ZNF808: variants seen among roughly 807,000 people sequenced by gnomAD.
The protein encoded by ZNF808 is zinc finger protein 808.
Under a neutral mutation model 8.7 loss-of-function variants are expected in ZNF808, and 5 were observed. That is an observed-to-expected ratio of 0.58 (90% CI 0.30 to 1.21). The LOEUF (loss-of-function observed/expected upper bound fraction) is 1.21, where lower values mean the gene tolerates loss of function less well. Among genes scored for constraint, ZNF808 ranks in the 50% most tolerant of loss-of-function variants. The pLI, the probability that ZNF808 is intolerant of heterozygous loss-of-function variation, is 0.07. For missense variants in ZNF808, 1,103 were observed against 1,098.4 expected (o/e 1.00, Z -0.06); for synonymous variants, 380 against 366.0 (o/e 1.04, Z -0.44).
Position 52,553,432 on chromosome 19 carries a change from C to A in ZNF808, c.516C>A (p.Ile172=). ...TGCCTGAACTCCACATATTTCAGAT[C>A]AAAGGTGAAATTGCTAATCAACTTG... is the stretch of plus-strand genomic sequence containing the variant. The part of the protein sequence containing the change: ...SHLPELHIFQ[I]KGEIANQLEK... Residue 172 remains isoleucine, a synonymous_variant, in exon 5 of 5, where the codon ATC becomes ATA. Coordinates refer to ENST00000359798, the MANE Select transcript of ZNF808 (RefSeq NM_001039886.4). 6.2e-7 allele frequency: 1 copy of A among 1,614,138 alleles called. No homozygotes were observed. The highest frequency in any genetic ancestry group is 1.1e-5 in the South Asian group (1 of 91,074).
intron 3 of ZNF808, among the ~76,000 whole-genome samples, chr19:52,544,834 A>G (rs952947495): frequency 5.9e-5 from 9 of 152,054 alleles, no homozygotes; most frequent in African/African-American, 1.9e-4. Flanking sequence ...CCCATGTTGG[A>G]TTGTAGTGGC....
chr19:52,564,921 CT>C (rs1224282231), downstream of ZNF808, among the ~76,000 whole-genome samples: 1 of 152,058 alleles, frequency 6.6e-6, no homozygotes, highest in African/African-American at 2.4e-5. Flanking sequence ...CCCGTCTCTA[CT>C]AACAATACAA....
downstream of ZNF808, among the ~76,000 whole-genome samples, chr19:52,560,779 C>T (rs1395407526): frequency 6.6e-6 from 1 of 152,148 alleles, no homozygotes; most frequent in Non-Finnish European, 1.5e-5. Flanking sequence ...TATATTCCCA[C>T]AGATGTGCAT....
chr19:52,537,507 A>G (rs568515375), intron 2 of ZNF808, among the ~76,000 whole-genome samples: 45 of 152,124 alleles, frequency 3.0e-4, no homozygotes, highest in African/African-American at 1.1e-3. Context: ...GGCAAAATAG[A>G]CACCCCATCT....
intron 2 of ZNF808, 83 bp from the exon 3 acceptor site, chr19:52,543,183 G>T: frequency 7.0e-7 from 1 of 1,431,834 alleles, no homozygotes; most frequent in South Asian, 1.3e-5. Context: ...TCTACAGGGT[G>T]ACATCTCCCG....
chr19:52,554,701 C>CA lies in ZNF808; in HGVS notation c.1788dup (p.Cys597MetfsTer2). 1 of 1,613,926 alleles carries CA rather than the reference C, an allele frequency of 6.2e-7. No individual in the cohort carries two copies. Among genetic ancestry groups the CA allele is most frequent in the South Asian group, 1.1e-5 (1 of 91,074 alleles). ...GACTTCATACTGGAGAGAAACCTTA[C>CA]AAATGTGAAGCATGTGACAAAGTTT... On this transcript the variant is annotated frameshift_variant, in exon 5 of 5. Transcript: ENST00000359798. LOFTEE classifies it low-confidence loss of function (END_TRUNC).
At chr19:52,532,349 C>T (rs1229265002) in intron 1 of ZNF808, among the ~76,000 whole-genome samples, 1 of 152,030 alleles carries the variant, frequency 6.6e-6, no homozygotes, top group Non-Finnish European at 1.5e-5. Flanking sequence ...CCTCTGCCTC[C>T]TGAGTAGCTG....
downstream of ZNF808, among the ~76,000 whole-genome samples, chr19:52,565,938 G>T (rs2123234150): frequency 6.6e-6 from 1 of 152,220 alleles, no homozygotes; most frequent in South Asian, 2.1e-4. Context: ...TTTAACCTTG[G>T]CAAAATAGAT....
intron 2 of ZNF808, among the ~76,000 whole-genome samples, chr19:52,533,302 C>T (rs2059576727): frequency 6.6e-6 from 1 of 152,080 alleles, no homozygotes; most frequent in Admixed American, 6.5e-5. Flanking sequence ...TCTCGGCTCA[C>T]TGCAATTTCC....
At chr19:52,560,988 TATTC>T (rs1353370410), downstream of ZNF808, among the ~76,000 whole-genome samples, 1 of 152,030 alleles carries the variant, frequency 6.6e-6, no homozygotes, top group African/African-American at 2.4e-5. Flanking sequence ...GTCAAGACCT[TATTC>T]ATCCACTGGA....
chr19:52,543,200 G>A, intron 2 of ZNF808, 66 bp from the exon 3 acceptor site: 1 of 1,537,548 alleles, frequency 6.5e-7, no homozygotes. Context: ...CCCGGTTCAT[G>A]TGGTTTTGTC....
At chr19:52,557,440 G>C (rs1404177587), downstream of ZNF808, among the ~76,000 whole-genome samples, 1 of 151,790 alleles carries the variant, frequency 6.6e-6, no homozygotes, top group Non-Finnish European at 1.5e-5. Flanking sequence ...CTAATTTTTT[G>C]CATTGTTAGT....
rs186195099 is a variant in ZNF808, at chr19:52,531,840, C to T, written c.-121-1068C>T. Among the ~76,000 whole-genome samples the T allele has an allele frequency of 1.6e-3, 243 of 152,182 alleles. 3 individuals are homozygous for T. Among genetic ancestry groups the T allele is most frequent in the African/African-American group, 5.3e-3 (219 of 41,520 alleles). On this transcript the variant is annotated intron_variant, in intron 1 of 4. Coordinates refer to ENST00000359798, the MANE Select transcript of ZNF808 (RefSeq NM_001039886.4). ...TGGTGTTATGTAACTGTACTTGTGA[C>T]ATTGTAATTGCACCCTCTGACACTG...
At chr19:52,543,242 A>G in intron 2 of ZNF808, 24 bp from the exon 3 acceptor site, 1 of 1,608,448 alleles carries the variant, frequency 6.2e-7, no homozygotes, top group Non-Finnish European at 8.5e-7. Context: ...TCTAACATGA[A>G]GTCTTATTTT....
At chr19:52,567,042 TC>T (rs2059874584), downstream of ZNF808, among the ~76,000 whole-genome samples, 1 of 151,328 alleles carries the variant, frequency 6.6e-6, no homozygotes, top group African/African-American at 2.4e-5. Context: ...ACTTCCACCT[TC>T]CGGGTTCAAG....
At chr19:52,552,994 A>G (rs2059792487) in intron 4 of ZNF808, 113 bp from the exon 5 acceptor site, 2 of 1,391,496 alleles carry the variant, frequency 1.4e-6, no homozygotes, top group Admixed American at 2.7e-5. Flanking sequence ...AACTTTGAAT[A>G]TCATGTTTGG....
rs1300723717 is a variant in ZNF808, at chr19:52,547,739, G to GTTT, written c.190+119_190+121dup. The GTTT allele has an allele frequency of 1.5e-3, 1,505 of 1,007,590 alleles. 3 individuals are homozygous for GTTT. The highest frequency in any genetic ancestry group is 0.015 in the African/African-American group (641 of 43,436). The allele number at this position is 1,007,590 out of a possible 1,614,324, so 62.4% of individuals were successfully genotyped here. ...TTGTGATTTTGCCCCATCCATGCTGGTTTTTTTTTTTTTTTTTTTTGACAT... is the reference window on the plus strand; with the variant it reads ...TTGTGATTTTGCCCCATCCATGCTGGTTTTTTTTTTTTTTTTTTTTTTTGACAT... On this transcript the variant is annotated intron_variant, in intron 4 of 4. Coordinates refer to ENST00000359798, the MANE Select transcript of ZNF808 (RefSeq NM_001039886.4).
chr19:52,547,187 A>G (rs548691161), intron 3 of ZNF808, among the ~76,000 whole-genome samples: 2 of 152,066 alleles, frequency 1.3e-5, no homozygotes, highest in East Asian at 1.9e-4. Flanking sequence ...ACCTCAAATA[A>G]TCTGCCCAAC....
chr19:52,542,369 A>C (rs1599984731), intron 2 of ZNF808, among the ~76,000 whole-genome samples: 1 of 152,006 alleles, frequency 6.6e-6, no homozygotes, highest in Non-Finnish European at 1.5e-5. Context: ...CTCCAGCCCC[A>C]CGGGTCGCTT....
Sources: gnomAD v4.1 joint callset for allele counts (sites outside exome capture counted in the v4.1 genomes callset) on GRCh38, gnomAD v4.1.1 for gene constraint, MANE v1.5 for transcripts, NCBI Gene and HGNC (gene_info 2026-07-23, HGNC 2026-07-21) for gene names.